Variants in FAM110B observed in about 807,000 individuals in gnomAD.
FAM110B encodes the protein protein FAM110B.
Under a neutral mutation model 20.4 loss-of-function variants are expected in FAM110B, and 6 were observed. That is an observed-to-expected ratio of 0.29 (90% CI 0.16 to 0.58). The LOEUF is 0.58. FAM110B is among the 20% of genes least tolerant of loss of function. FAM110B has a pLI of 0.90. For missense variants in FAM110B, 434 were observed against 498.2 expected (o/e 0.87, Z 1.23); for synonymous variants, 226 against 214.1 (o/e 1.06, Z -0.49).
At chr8:58,101,598 A>G (rs1056217986) in intron 3 of FAM110B, among the ~76,000 whole-genome samples, 1 of 152,060 alleles carries the variant, frequency 6.6e-6, no homozygotes, top group African/African-American at 2.4e-5. Context: ...TGCATCGTCA[A>G]TCAAAATAAA....
chr8:58,044,407 A>T (rs1166089358), intron 2 of FAM110B, among the ~76,000 whole-genome samples: 5 of 152,244 alleles, frequency 3.3e-5, no homozygotes, highest in Admixed American at 6.5e-5. Context: ...TTATAGGCTT[A>T]CCTCAGTGCA....
intron 3 of FAM110B, among the ~76,000 whole-genome samples, chr8:58,120,741 A>G (rs16923074): frequency 1.3e-5 from 2 of 152,134 alleles, no homozygotes; most frequent in African/African-American, 2.4e-5. Context: ...TTTAAAGTAC[A>G]TGCCTCTGGG....
At chr8:58,059,953 T>A (rs1805622671) in intron 2 of FAM110B, among the ~76,000 whole-genome samples, 1 of 152,224 alleles carries the variant, frequency 6.6e-6, no homozygotes, top group South Asian at 2.1e-4. Flanking sequence ...TTTTTTTTAA[T>A]ATATATCCAA....
chr8:58,131,487 A>C (rs1025396199), intron 3 of FAM110B, among the ~76,000 whole-genome samples: 1 of 152,062 alleles, frequency 6.6e-6, no homozygotes, highest in African/African-American at 2.4e-5. Context: ...CCAGCCTCTA[A>C]CTATTACCTC....
rs144802954 is a variant in FAM110B at position 58,014,048 on chromosome 8, G to A, written c.-511-17558G>A. On this transcript the variant is annotated intron_variant, in intron 1 of 3. Transcript: ENST00000519262. ...TGTGATGATCATGCTTTTGTCATCC[G>A]TTCTCTCTGGCTTGGAAAAGGCCCG... Among the ~76,000 whole-genome samples, 481 of 152,168 alleles carry A rather than the reference G, an allele frequency of 3.2e-3. 3 individuals carry two copies. Among genetic ancestry groups the A allele is most frequent in the African/African-American group, 0.011 (440 of 41,522 alleles).
rs752411132 is a variant in FAM110B at position 58,146,504 on chromosome 8, G to T, written c.274G>T (p.Ala92Ser). 6.2e-7 allele frequency: 1 copy of T among 1,613,832 alleles called. No homozygotes were observed. Among genetic ancestry groups the T allele is most frequent in the East Asian group, 2.2e-5 (1 of 44,862 alleles). ...CCCGGTGTGCCCGGCTGCCAAGCGCGCACTGGGCAGCCCCACGCTCAAAGT... is the reference window on the plus strand; with the variant it reads ...CCCGGTGTGCCCGGCTGCCAAGCGCTCACTGGGCAGCCCCACGCTCAAAGT... The part of the protein sequence containing the change: ...KPPVCPAAKR[A>S]LGSPTLKVFG... Residue 92 changes from alanine to serine, a missense_variant, in exon 4 of 4, where the codon GCA (alanine) becomes TCA (serine). Physicochemically the swap from Ala to Ser is moderately conservative, Grantham distance 99. Transcript: ENST00000519262.
intron 1 of FAM110B, among the ~76,000 whole-genome samples, chr8:58,006,919 A>ATATATATATATATATATG (rs1804419035): frequency 9.7e-6 from 1 of 102,816 alleles, no homozygotes; most frequent in Non-Finnish European, 1.9e-5. Flanking sequence ...ATATATATAT[A>ATATATATATATATATATG]TATATTTTTC....
intron 2 of FAM110B, among the ~76,000 whole-genome samples, chr8:58,041,087 C>T (rs914460361): frequency 2.6e-5 from 4 of 151,808 alleles, no homozygotes; most frequent in Non-Finnish European, 5.9e-5. Context: ...ATTACAGGTG[C>T]CCACCACCAC....
intron 2 of FAM110B, among the ~76,000 whole-genome samples, chr8:58,031,999 A>G (rs1049043546): frequency 6.6e-6 from 1 of 152,156 alleles, no homozygotes; most frequent in Admixed American, 6.5e-5. Context: ...ATTGGCAAAA[A>G]CCATCCTTGT....
chr8:58,128,933 G>A (rs1000442581), intron 3 of FAM110B, among the ~76,000 whole-genome samples: 19 of 152,070 alleles, frequency 1.2e-4, no homozygotes, highest in Admixed American at 7.9e-4. Context: ...CTTCATAGAC[G>A]TATTGGCTGC....
At chr8:58,122,810 G>A (rs1807396480) in intron 3 of FAM110B, among the ~76,000 whole-genome samples, 2 of 152,098 alleles carry the variant, frequency 1.3e-5, no homozygotes, top group South Asian at 2.1e-4. Flanking sequence ...TAGAGGTTTG[G>A]CTGCCCATTA....
intron 1 of FAM110B, among the ~76,000 whole-genome samples, chr8:58,027,211 T>C (rs1233030330): frequency 6.6e-6 from 1 of 152,226 alleles, no homozygotes; most frequent in Non-Finnish European, 1.5e-5. Context: ...AGGTCACAAC[T>C]TATTAGAAGT....
At chr8:58,092,890 A>G (rs754298930) in intron 3 of FAM110B, among the ~76,000 whole-genome samples, 11 of 152,146 alleles carry the variant, frequency 7.2e-5, no homozygotes, top group Non-Finnish European at 1.5e-4. Context: ...CTATTTCTCC[A>G]CATCCTCTCT....
chr8:58,116,292 C>T (rs1167781773), intron 3 of FAM110B, among the ~76,000 whole-genome samples: 2 of 152,180 alleles, frequency 1.3e-5, no homozygotes, highest in African/African-American at 2.4e-5. Flanking sequence ...CCCTCTAACC[C>T]GTGAGTCTGA....
At chr8:58,102,715 A>G (rs1806808746) in intron 3 of FAM110B, among the ~76,000 whole-genome samples, 1 of 152,114 alleles carries the variant, frequency 6.6e-6, no homozygotes, top group African/African-American at 2.4e-5. Flanking sequence ...GTGCCCCAGT[A>G]CAGCCTCTGT....
chr8:58,069,599 C>T (rs186109234), intron 2 of FAM110B, among the ~76,000 whole-genome samples: 3 of 152,148 alleles, frequency 2.0e-5, no homozygotes, highest in Non-Finnish European at 4.4e-5. Flanking sequence ...CTTATAACTG[C>T]GAATTAATCA....
intron 1 of FAM110B, among the ~76,000 whole-genome samples, chr8:58,006,975 A>G (rs1412304446): frequency 2.7e-5 from 4 of 146,220 alleles, no homozygotes; most frequent in Non-Finnish European, 6.0e-5. Context: ...GTGATTATTG[A>G]TGTCCCTAGT....
chr8:58,084,067 C>T (rs1309732928), intron 3 of FAM110B, among the ~76,000 whole-genome samples: 1 of 152,140 alleles, frequency 6.6e-6, no homozygotes, highest in Non-Finnish European at 1.5e-5. Context: ...ACTAGCTCAC[C>T]ATATTAGTGG....
At chr8:58,141,814 G>T (rs1009944378) in intron 3 of FAM110B, among the ~76,000 whole-genome samples, 10 of 152,200 alleles carry the variant, frequency 6.6e-5, no homozygotes, top group African/African-American at 2.2e-4. Flanking sequence ...GCAGCCCGTA[G>T]CGGGGGGCTC....
Sources: allele counts gnomAD v4.1 joint callset (sites outside exome capture counted in the v4.1 genomes callset), GRCh38; gene constraint gnomAD v4.1.1; transcripts MANE v1.5; gene names NCBI Gene and HGNC (gene_info 2026-07-23, HGNC 2026-07-21).